PABPC4L: variants seen among roughly 807,000 people sequenced by gnomAD.
PABPC4L encodes poly(A) binding protein cytoplasmic 4 like.
For missense variants in PABPC4L, 452 were observed against 451.4 expected (o/e 1.00, Z -0.01); for synonymous variants, 169 against 164.1 (o/e 1.03, Z -0.23).
chr4:133,996,407 C>A, the PABPC4L span, among the ~76,000 whole-genome samples: 12 of 152,086 alleles, frequency 7.9e-5, no homozygotes, highest in African/African-American at 1.9e-4. Context: ...GCATTAAGCC[C>A]CTTAATTGAG....
chr4:134,190,417 T>G, the PABPC4L span, among the ~76,000 whole-genome samples: 4 of 152,066 alleles, frequency 2.6e-5, no homozygotes, highest in African/African-American at 9.7e-5. Flanking sequence ...CTTGTGTGGT[T>G]TGGGGCTTTC....
the PABPC4L span, among the ~76,000 whole-genome samples, chr4:134,118,564 GATTA>G: frequency 6.6e-6 from 1 of 151,550 alleles, no homozygotes; most frequent in Non-Finnish European, 1.5e-5. Context: ...AATATTTAAA[GATTA>G]ATTTTTATCC....
the PABPC4L span, among the ~76,000 whole-genome samples, chr4:134,037,437 A>G: frequency 6.6e-6 from 1 of 152,062 alleles, no homozygotes; most frequent in Non-Finnish European, 1.5e-5. Flanking sequence ...TCTTGTAATT[A>G]CTATCTTTGG....
the PABPC4L span, among the ~76,000 whole-genome samples, chr4:134,009,260 A>G: frequency 6.6e-6 from 1 of 151,936 alleles, no homozygotes; most frequent in Non-Finnish European, 1.5e-5. Context: ...CACCCAAAAG[A>G]ATATTTTCTG....
chr4:134,005,063 T>A, the PABPC4L span, among the ~76,000 whole-genome samples: 3 of 151,786 alleles, frequency 2.0e-5, no homozygotes, highest in African/African-American at 7.3e-5. Context: ...GTGACTATAA[T>A]AATGATAATG....
the PABPC4L span, among the ~76,000 whole-genome samples, chr4:134,066,719 T>C: frequency 6.6e-6 from 1 of 152,138 alleles, no homozygotes; most frequent in Admixed American, 6.6e-5. Context: ...GTTCCTTCAT[T>C]GCCTGTTTTT....
chr4:134,152,422 C>T, the PABPC4L span, among the ~76,000 whole-genome samples: 1 of 152,134 alleles, frequency 6.6e-6, no homozygotes, highest in Non-Finnish European at 1.5e-5. Flanking sequence ...AAATTTAAGG[C>T]AGTGGCCCCA....
the PABPC4L span, among the ~76,000 whole-genome samples, chr4:134,174,074 TTC>T: frequency 6.6e-6 from 1 of 152,206 alleles, no homozygotes; most frequent in South Asian, 2.1e-4. Context: ...CATTTTATTT[TTC>T]TTTTACTATT....
At chr4:134,028,182 A>T in the PABPC4L span, among the ~76,000 whole-genome samples, 2 of 152,150 alleles carry the variant, frequency 1.3e-5, no homozygotes, top group Non-Finnish European at 2.9e-5. Context: ...GTTGTTTAAC[A>T]AGCCTACCAG....
the PABPC4L span, among the ~76,000 whole-genome samples, chr4:133,981,774 T>C: frequency 6.6e-6 from 1 of 152,004 alleles, no homozygotes; most frequent in South Asian, 2.1e-4. Flanking sequence ...ATCTTTTAAA[T>C]TGGTACTTTT....
the PABPC4L span, among the ~76,000 whole-genome samples, chr4:134,022,130 G>A: frequency 6.6e-6 from 1 of 152,058 alleles, no homozygotes; most frequent in East Asian, 1.9e-4. Context: ...GATTATGAAT[G>A]CTGCTAACCC....
At chr4:134,059,022 T>C in the PABPC4L span, among the ~76,000 whole-genome samples, 1 of 151,992 alleles carries the variant, frequency 6.6e-6, no homozygotes, top group African/African-American at 2.4e-5. Flanking sequence ...ATTTATTGAG[T>C]GAACAAATAT....
At chr4:133,978,557 G>A in the PABPC4L span, among the ~76,000 whole-genome samples, 1 of 151,298 alleles carries the variant, frequency 6.6e-6, no homozygotes, top group Non-Finnish European at 1.5e-5. Context: ...TGGAGGCTGT[G>A]TGTGTGTGTG....
chr4:134,003,623 T>G, the PABPC4L span, among the ~76,000 whole-genome samples: 294 of 152,092 alleles, frequency 1.9e-3, 1 homozygote, highest in African/African-American at 6.4e-3. Context: ...ACTGTGTTTC[T>G]GGCACAGTAC....
the PABPC4L span, among the ~76,000 whole-genome samples, chr4:134,082,124 C>G: frequency 6.6e-6 from 1 of 152,092 alleles, no homozygotes; most frequent in Non-Finnish European, 1.5e-5. Context: ...CAAAGACTTT[C>G]TGACATGATT....
At chr4:134,155,412 TCACACACA>T in the PABPC4L span, among the ~76,000 whole-genome samples, 2 of 146,992 alleles carry the variant, frequency 1.4e-5, no homozygotes, top group Non-Finnish European at 3.0e-5. Flanking sequence ...CTCTCCCAGT[TCACACACA>T]CACACACACA....
the PABPC4L span, among the ~76,000 whole-genome samples, chr4:134,182,972 C>T: frequency 6.6e-6 from 1 of 151,816 alleles, no homozygotes; most frequent in South Asian, 2.1e-4. Flanking sequence ...GTTTGTGAGG[C>T]TGTGGAGAAA....
At chr4:134,161,269 G>T in the PABPC4L span, among the ~76,000 whole-genome samples, 1 of 151,740 alleles carries the variant, frequency 6.6e-6, no homozygotes. Context: ...AATGAAGCAT[G>T]CCTATAGGAT....
the PABPC4L span, among the ~76,000 whole-genome samples, chr4:134,181,343 A>G: frequency 0.21 from 31,808 of 151,890 alleles, 4,127 homozygotes; most frequent in Non-Finnish European, 0.27. Context: ...AATACCCCCA[A>G]CAGACTAGGC....
Sources: allele counts gnomAD v4.1 joint callset (sites outside exome capture counted in the v4.1 genomes callset), GRCh38; gene constraint gnomAD v4.1.1; transcripts MANE v1.5; gene names NCBI Gene and HGNC (gene_info 2026-07-23, HGNC 2026-07-21).